LRRC37A: variants seen among roughly 807,000 people sequenced by gnomAD.
LRRC37A encodes the protein leucine-rich repeat-containing protein 37A.
A neutral mutation model predicts 35.4 loss-of-function variants in LRRC37A; 3 were observed. The ratio of observed to expected loss-of-function variants is 0.08; its 90% CI spans 0.04 to 0.22. The LOEUF (loss-of-function observed/expected upper bound fraction) is 0.22. Ranked by LOEUF, LRRC37A falls within the 10% of genes least tolerant of loss-of-function variation. The probability of loss-of-function intolerance (pLI) is 1.00; values close to 1 mark genes in which losing one functional copy is unlikely to be tolerated. For synonymous variants in LRRC37A, 23 were observed against 215.0 expected (o/e 0.11, Z 7.81); for missense variants, 67 against 565.3 (o/e 0.12, Z 8.94).
rs1192420866 is a variant in LRRC37A at position 46,316,615 on chromosome 17, T to G, written c.2907-5707T>G. Among the ~76,000 whole-genome samples the G allele has an allele frequency of 1.7e-4, 13 of 75,200 alleles. 1 individual carries two copies. The highest frequency in any genetic ancestry group is 4.5e-4 in the African/African-American group (13 of 28,842). 49.3% of individuals were successfully genotyped at this position (75,200 alleles called of 152,430 possible). A position where few individuals can be genotyped will look rare whatever the true frequency, so the allele number is the denominator to read the frequency against. Reference sequence around the variant, plus strand: ...CATGCCCAGTTTTTTTTGTTTTTGTTTTTTTTAATTTTTTTTTATTGATCA... The same window carrying G: ...CATGCCCAGTTTTTTTTGTTTTTGTGTTTTTTAATTTTTTTTTATTGATCA... On this transcript the variant is annotated intron_variant, in intron 5 of 13. Transcript: ENST00000320254.
the LRRC37A span, among the ~76,000 whole-genome samples, chr17:46,273,742 A>G: frequency 6.6e-6 from 1 of 152,264 alleles, no homozygotes; most frequent in Non-Finnish European, 1.5e-5. Flanking sequence ...AACATGCAAA[A>G]TACATCTTCC....
At chr17:46,278,348 A>G in the LRRC37A span, among the ~76,000 whole-genome samples, 13,015 of 149,478 alleles carry the variant, frequency 0.087, 2 homozygotes, top group Middle Eastern at 0.15. Flanking sequence ...TCCCACCTCC[A>G]TTTTTGAGTC....
At chr17:46,254,545 AT>A in the LRRC37A span, among the ~76,000 whole-genome samples, 913 of 131,994 alleles carry the variant, frequency 6.9e-3, 7 homozygotes, top group Non-Finnish European at 0.012. Context: ...TGCCCAGCTA[AT>A]TTTTTTTTTT....
chr17:46,282,282 T>A, the LRRC37A span, among the ~76,000 whole-genome samples: 1 of 151,942 alleles, frequency 6.6e-6, no homozygotes, highest in Non-Finnish European at 1.5e-5. Context: ...TTTTGTTATT[T>A]TTAGTAGAGA....
At chr17:46,280,606 C>T in the LRRC37A span, among the ~76,000 whole-genome samples, 1 of 131,728 alleles carries the variant, frequency 7.6e-6, no homozygotes. Context: ...CAGAGTCTCA[C>T]TCTGACACCC....
the LRRC37A span, among the ~76,000 whole-genome samples, chr17:46,272,353 G>C: frequency 6.6e-6 from 1 of 152,218 alleles, no homozygotes; most frequent in Admixed American, 6.5e-5. Flanking sequence ...AGCTTTCAAA[G>C]ATTACTCACA....
the LRRC37A span, chr17:46,268,709 C>A: frequency 6.9e-7 from 1 of 1,449,014 alleles, no homozygotes; most frequent in South Asian, 1.5e-5. Context: ...ACCATCCTGG[C>A]ATTTCTGGAT....
intron 5 of LRRC37A, among the ~76,000 whole-genome samples, chr17:46,315,264 C>G (rs1266484370): frequency 3.6e-5 from 3 of 83,654 alleles, no homozygotes; most frequent in African/African-American, 9.5e-5. Flanking sequence ...GTGGCTCATA[C>G]CTGTCATCCT....
chr17:46,271,503 G>T, the LRRC37A span, among the ~76,000 whole-genome samples: 1 of 152,044 alleles, frequency 6.6e-6, no homozygotes, highest in Non-Finnish European at 1.5e-5. Flanking sequence ...GTTTCAATCA[G>T]GAAGAGTGAA....
At chr17:46,289,155 G>A (rs2049999765), upstream of LRRC37A, among the ~76,000 whole-genome samples, 2 of 152,236 alleles carry the variant, frequency 1.3e-5, no homozygotes, top group African/African-American at 4.8e-5. Context: ...CAAATTTGGT[G>A]TAAAGAAATC....
chr17:46,262,009 A>G, the LRRC37A span, among the ~76,000 whole-genome samples: 19,456 of 152,034 alleles, frequency 0.13, no homozygotes, highest in Middle Eastern at 0.2. Flanking sequence ...GAGTGCAGTG[A>G]TGCCACCTGA....
the LRRC37A span, among the ~76,000 whole-genome samples, chr17:46,265,335 C>CTCT: frequency 0.17 from 18,791 of 107,898 alleles, 327 homozygotes; most frequent in Non-Finnish European, 0.28. Context: ...TTTTTTTCTC[C>CTCT]TCTTCTTCTT....
upstream of LRRC37A, among the ~76,000 whole-genome samples, chr17:46,288,522 T>G (rs2143433540): frequency 6.6e-6 from 1 of 152,016 alleles, no homozygotes; most frequent in South Asian, 2.1e-4. Context: ...GGTCTCAAAC[T>G]CCTGACTTCA....
chr17:46,282,196 G>A, the LRRC37A span, among the ~76,000 whole-genome samples: 4 of 151,946 alleles, frequency 2.6e-5, no homozygotes, highest in Admixed American at 6.6e-5. Flanking sequence ...TCTGTCTCCC[G>A]GGTTCATGCC....
chr17:46,268,597 G>C, the LRRC37A span: 2 of 1,546,566 alleles, frequency 1.3e-6, no homozygotes, highest in Non-Finnish European at 1.7e-6. Context: ...CTCTGTCCAG[G>C]GGATGGACTG....
the LRRC37A span, among the ~76,000 whole-genome samples, chr17:46,259,019 A>ATT: frequency 0.016 from 1,270 of 79,328 alleles, 287 homozygotes; most frequent in African/African-American, 0.06. Flanking sequence ...CACCCGGCCT[A>ATT]TTTTTTTTTT....
chr17:46,299,845 A>G (rs879142365), exon 2 of LRRC37A: 1 of 20,448 alleles, frequency 4.9e-5, no homozygotes, highest in African/African-American at 3.1e-4. Context: ...TATGGAAAGC[A>G]TACAGTTGGA....
At chr17:46,270,745 A>G in the LRRC37A span, among the ~76,000 whole-genome samples, 1 of 152,198 alleles carries the variant, frequency 6.6e-6, no homozygotes, top group African/African-American at 2.4e-5. Context: ...TGTCTCTACT[A>G]AAAATACAAA....
chr17:46,304,895 A>G (rs2050467931), intron 3 of LRRC37A, among the ~76,000 whole-genome samples: 1 of 67,038 alleles, frequency 1.5e-5, no homozygotes, highest in Non-Finnish European at 4.6e-5. Context: ...TTGAGACGGA[A>G]TCTCGCTCTG....
Sources: gnomAD v4.1 joint callset for allele counts (sites outside exome capture counted in the v4.1 genomes callset) on GRCh38, gnomAD v4.1.1 for gene constraint, MANE v1.5 for transcripts, NCBI Gene and HGNC (gene_info 2026-07-23, HGNC 2026-07-21) for gene names.